The following SHISA9 variants were observed in gnomAD, a reference collection of about 807,000 sequenced individuals.
SHISA9 encodes protein shisa-9.
A neutral mutation model predicts 38.0 loss-of-function variants in SHISA9; 13 were observed. The observed-to-expected ratio is 0.34, with a 90% CI of 0.22 to 0.54. The LOEUF (loss-of-function observed/expected upper bound fraction) is 0.54, where lower values mean the gene tolerates loss of function less well. SHISA9 is among the 20% of genes least tolerant of loss of function. The pLI is 0.91. For synonymous variants in SHISA9, 275 were observed against 242.0 expected (o/e 1.14, Z -1.27); for missense variants, 538 against 575.8 (o/e 0.93, Z 0.67).
intron 2 of SHISA9, among the ~76,000 whole-genome samples, chr16:13,033,294 T>C (rs940511040): frequency 9.2e-5 from 14 of 152,246 alleles, no homozygotes; most frequent in African/African-American, 3.1e-4. Context: ...AAGGTGGTTC[T>C]CCAAAGGAAG....
intron 2 of SHISA9, among the ~76,000 whole-genome samples, chr16:13,094,304 A>G (rs183023294): frequency 3.2e-4 from 48 of 152,360 alleles, no homozygotes; most frequent in African/African-American, 1.1e-3. Context: ...GATGACTTTG[A>G]AATAGGCCAT....
chr16:13,149,012 C>G (rs558297177), intron 2 of SHISA9, among the ~76,000 whole-genome samples: 12 of 152,240 alleles, frequency 7.9e-5, no homozygotes, highest in Admixed American at 3.9e-4. Flanking sequence ...GTGCAACACC[C>G]TTTCATCCAC....
the SHISA9 span, among the ~76,000 whole-genome samples, chr16:13,431,512 G>A: frequency 6.6e-6 from 1 of 152,188 alleles, no homozygotes; most frequent in African/African-American, 2.4e-5. Flanking sequence ...CAAAACAACA[G>A]CTTGAAGCAA....
At chr16:13,247,027 G>T in the SHISA9 span, among the ~76,000 whole-genome samples, 916 of 150,802 alleles carry the variant, frequency 6.1e-3, 10 homozygotes, top group African/African-American at 0.021. Flanking sequence ...ATAATAATTT[G>T]TTATTAAGTG....
chr16:13,320,082 G>A, the SHISA9 span, among the ~76,000 whole-genome samples: 1 of 151,884 alleles, frequency 6.6e-6, no homozygotes, highest in African/African-American at 2.4e-5. Flanking sequence ...CACGAGGTCA[G>A]GAGATCGAGA....
At chr16:13,508,788 A>G in the SHISA9 span, among the ~76,000 whole-genome samples, 2 of 152,212 alleles carry the variant, frequency 1.3e-5, no homozygotes, top group Non-Finnish European at 2.9e-5. Context: ...GGAGAAAGAC[A>G]TAATTTCTCA....
At chr16:13,027,208 TGGATGTTCTTATCTGGA>T (rs1211599620) in intron 2 of SHISA9, among the ~76,000 whole-genome samples, 1 of 152,228 alleles carries the variant, frequency 6.6e-6, no homozygotes, top group Non-Finnish European at 1.5e-5. Context: ...CCAACATTTT[TGGATGTTCTTATCTGGA>T]GGATGGACTC....
At chr16:13,291,815 CTT>C in the SHISA9 span, among the ~76,000 whole-genome samples, 1 of 152,068 alleles carries the variant, frequency 6.6e-6, no homozygotes, top group Non-Finnish European at 1.5e-5. Flanking sequence ...AAAGCATACT[CTT>C]ATATCATTAA....
chr16:12,941,472 T>G (rs2071610693), intron 2 of SHISA9, among the ~76,000 whole-genome samples: 2 of 152,262 alleles, frequency 1.3e-5, no homozygotes, highest in Non-Finnish European at 2.9e-5. Flanking sequence ...AATAATCACA[T>G]CGTGGAAAAT....
intron 2 of SHISA9, among the ~76,000 whole-genome samples, chr16:13,016,332 CCT>C (rs1197011638): frequency 9.2e-5 from 14 of 152,190 alleles, no homozygotes; most frequent in African/African-American, 3.1e-4. Flanking sequence ...GATGCTTTAA[CCT>C]GGAAAGTAGT....
At chr16:13,527,773 G>A in the SHISA9 span, among the ~76,000 whole-genome samples, 1 of 152,104 alleles carries the variant, frequency 6.6e-6, no homozygotes, top group African/African-American at 2.4e-5. Flanking sequence ...GCTTAAACAA[G>A]CCTGAGCGGG....
At chr16:13,489,012 A>T in the SHISA9 span, among the ~76,000 whole-genome samples, 1 of 151,998 alleles carries the variant, frequency 6.6e-6, no homozygotes, top group South Asian at 2.1e-4. Flanking sequence ...TGAACTCGTG[A>T]TCTGCCCGCC....
At chr16:13,116,084 G>A (rs2074028457) in intron 2 of SHISA9, among the ~76,000 whole-genome samples, 1 of 152,126 alleles carries the variant, frequency 6.6e-6, no homozygotes, top group African/African-American at 2.4e-5. Flanking sequence ...GAATCCTTCA[G>A]TGGACTGTGA....
chr16:13,342,821 C>T, the SHISA9 span, among the ~76,000 whole-genome samples: 1 of 152,174 alleles, frequency 6.6e-6, no homozygotes, highest in Admixed American at 6.5e-5. Context: ...TCTCCCTCCA[C>T]CATACTTTCC....
the SHISA9 span, among the ~76,000 whole-genome samples, chr16:13,352,471 T>C: frequency 6.6e-6 from 1 of 151,894 alleles, no homozygotes; most frequent in African/African-American, 2.4e-5. Flanking sequence ...CGTAGGGAGA[T>C]GGGAGCGTAG....
chr16:13,124,470 A>G (rs926606500), intron 2 of SHISA9, among the ~76,000 whole-genome samples: 1 of 152,166 alleles, frequency 6.6e-6, no homozygotes, highest in African/African-American at 2.4e-5. Flanking sequence ...GTTCACTGTT[A>G]GCAGTTTATG....
At chr16:13,488,449 G>C in the SHISA9 span, among the ~76,000 whole-genome samples, 40,068 of 152,016 alleles carry the variant, frequency 0.26, 5,680 homozygotes, top group East Asian at 0.42. Flanking sequence ...GATCCTATAA[G>C]TACCCTCTTA....
chr16:13,533,581 A>T, the SHISA9 span, among the ~76,000 whole-genome samples: 3 of 150,902 alleles, frequency 2.0e-5, no homozygotes, highest in Admixed American at 1.3e-4. Flanking sequence ...CCAAATACAC[A>T]AGCCTCTGTG....
intron 2 of SHISA9, among the ~76,000 whole-genome samples, chr16:12,934,909 T>C (rs968653077): frequency 2.0e-5 from 3 of 152,196 alleles, no homozygotes; most frequent in African/African-American, 4.8e-5. Flanking sequence ...GGTTGGCTCA[T>C]AGAACTGAAG....
Sources: allele counts gnomAD v4.1 joint callset (sites outside exome capture counted in the v4.1 genomes callset), GRCh38; gene constraint gnomAD v4.1.1; transcripts MANE v1.5; gene names NCBI Gene and HGNC (gene_info 2026-07-23, HGNC 2026-07-21).